TMEM248: variants seen among roughly 807,000 people sequenced by gnomAD.
The protein encoded by TMEM248 is UPF0458 protein C7orf42.
TMEM248 carries 9 observed loss-of-function variants against 30.3 expected under a neutral mutation model. The ratio of observed to expected loss-of-function variants is 0.30; its 90% CI spans 0.18 to 0.52. TMEM248 has a LOEUF of 0.52. Ranked by LOEUF, TMEM248 falls within the 20% of genes least tolerant of loss-of-function variation. The probability of loss-of-function intolerance (pLI) is 0.97; values close to 1 mark genes in which losing one functional copy is unlikely to be tolerated. For synonymous variants in TMEM248, 184 were observed against 154.4 expected, an observed-to-expected ratio of 1.19 and a Z score of -1.42; for missense variants, 338 against 403.3, an observed-to-expected ratio of 0.84 and a Z score of 1.39.
intron 1 of TMEM248, among the ~76,000 whole-genome samples, chr7:66,925,117 C>T (rs562331712): frequency 1.3e-5 from 2 of 151,794 alleles, no homozygotes; most frequent in Admixed American, 1.3e-4. Flanking sequence ...TCCTCCTGGG[C>T]TCAAGTCATA....
intron 1 of TMEM248, among the ~76,000 whole-genome samples, chr7:66,925,486 C>T (rs187425123): frequency 3.9e-4 from 60 of 152,242 alleles, no homozygotes; most frequent in African/African-American, 1.3e-3. Flanking sequence ...CCATTGTCTT[C>T]TAGATTCCAC....
intron 1 of TMEM248, among the ~76,000 whole-genome samples, chr7:66,930,229 GC>G (rs1475654188): frequency 6.6e-6 from 1 of 152,232 alleles, no homozygotes; most frequent in African/African-American, 2.4e-5. Context: ...CCAGTTTGGT[GC>G]CTTGGGATAA....
At chr7:66,921,549 G>C (rs1791385166) in intron 1 of TMEM248, 88 bp downstream of exon 1, 1 of 152,172 alleles carries the variant, frequency 6.6e-6, no homozygotes. Flanking sequence ...GGTCGGGAGC[G>C]GCTCCTCCGC....
intron 1 of TMEM248, among the ~76,000 whole-genome samples, chr7:66,924,274 A>C (rs532447673): frequency 6.6e-6 from 1 of 152,180 alleles, no homozygotes; most frequent in African/African-American, 2.4e-5. Context: ...TGTCACAGAG[A>C]TGGTGTGTTT....
At chr7:66,933,524 T>C (rs772581606) in intron 1 of TMEM248, among the ~76,000 whole-genome samples, 64 of 152,238 alleles carry the variant, frequency 4.2e-4, no homozygotes, top group Non-Finnish European at 7.6e-4. Context: ...ATGTTGGAGA[T>C]AAAATATGCC....
intron 1 of TMEM248, among the ~76,000 whole-genome samples, chr7:66,924,709 TTTTA>T (rs1244718260): frequency 6.6e-6 from 1 of 151,470 alleles, no homozygotes; most frequent in Non-Finnish European, 1.5e-5. Context: ...CTGGCCTTAT[TTTTA>T]TTTATTTATT....
At chr7:66,950,093 G>A (rs2129225677) in intron 4 of TMEM248, among the ~76,000 whole-genome samples, 1 of 152,126 alleles carries the variant, frequency 6.6e-6, no homozygotes, top group South Asian at 2.1e-4. Context: ...GGGCGCAATG[G>A]CTCACACCTG....
intron 2 of TMEM248, among the ~76,000 whole-genome samples, chr7:66,944,452 A>C (rs189935791): frequency 6.6e-6 from 1 of 152,274 alleles, no homozygotes; most frequent in African/African-American, 2.4e-5. Context: ...TCAAAAGTCC[A>C]TAAGAAGGGG....
intron 5 of TMEM248, among the ~76,000 whole-genome samples, chr7:66,952,700 T>C (rs931355224): frequency 1.3e-5 from 2 of 152,122 alleles, no homozygotes; most frequent in Non-Finnish European, 2.9e-5. Context: ...GAATCACGGA[T>C]GATCTCAGCA....
chr7:66,922,961 C>T (rs1791424550), intron 1 of TMEM248, among the ~76,000 whole-genome samples: 1 of 152,076 alleles, frequency 6.6e-6, no homozygotes, highest in Non-Finnish European at 1.5e-5. Context: ...CCTCCTCGGC[C>T]TCCCAAAGTT....
intron 1 of TMEM248, among the ~76,000 whole-genome samples, chr7:66,923,218 T>C (rs1351217164): frequency 6.6e-6 from 1 of 151,856 alleles, no homozygotes; most frequent in Non-Finnish European, 1.5e-5. Context: ...CGAAGTTAGC[T>C]CACTGCAACC....
At chr7:66,944,829 G>C (rs1365606814) in intron 2 of TMEM248, 147 bp from the exon 3 acceptor site, 5 of 782,126 alleles carry the variant, frequency 6.4e-6, no homozygotes, top group Non-Finnish European at 1.0e-5. Context: ...AGAGGGTGGT[G>C]GCCGAGTTGT....
chr7:66,941,144 G>A (rs550814620), intron 1 of TMEM248, among the ~76,000 whole-genome samples: 1 of 151,876 alleles, frequency 6.6e-6, no homozygotes, highest in Admixed American at 6.6e-5. Flanking sequence ...GCACTTTGGG[G>A]GGCCAAGGCA....
At chr7:66,925,694 CTT>C (rs762948450) in intron 1 of TMEM248, among the ~76,000 whole-genome samples, 29 of 137,698 alleles carry the variant, frequency 2.1e-4, no homozygotes, top group Non-Finnish European at 1.9e-4. Context: ...GTAGTTTTTT[CTT>C]TTTTTTTTTT....
chr7:66,945,510 A>G (rs1474350234), intron 3 of TMEM248, among the ~76,000 whole-genome samples: 1 of 152,228 alleles, frequency 6.6e-6, no homozygotes, highest in African/African-American at 2.4e-5. Flanking sequence ...GGCCTGTCTA[A>G]TATTTACAAA....
intron 1 of TMEM248, among the ~76,000 whole-genome samples, chr7:66,925,416 C>T (rs1488122880): frequency 6.6e-6 from 1 of 152,188 alleles, no homozygotes; most frequent in Non-Finnish European, 1.5e-5. Flanking sequence ...TGACCATCAT[C>T]TCCCTGTTCC....
rs1792401842 is a variant in TMEM248 at position 66,956,307 on chromosome 7, C to G, written c.*785C>G. 1 of 152,158 alleles carries G rather than the reference C, an allele frequency of 6.6e-6. No individual in the cohort carries two copies. The highest frequency in any genetic ancestry group is 1.5e-5 in the Non-Finnish European group (1 of 68,036). 9.4% of individuals were successfully genotyped at this position (152,158 alleles called of 1,614,324 possible). ...ATAGGAGGTTCTACTGTCTTGTCGT[C>G]CACTCTTGTCCCTCCCTTCTGTTAT... On this transcript the variant is annotated 3_prime_UTR_variant, in exon 7 of 7. Coordinates refer to ENST00000341567, the MANE Select transcript of TMEM248 (RefSeq NM_017994.5).
At chr7:66,925,469 A>G (rs1054745607) in intron 1 of TMEM248, among the ~76,000 whole-genome samples, 1 of 152,096 alleles carries the variant, frequency 6.6e-6, no homozygotes, top group African/African-American at 2.4e-5. Context: ...CTCTGCTGCA[A>G]TGAGTTCCAT....
chr7:66,942,287 T>C (rs573236331), intron 2 of TMEM248, among the ~76,000 whole-genome samples: 3 of 152,306 alleles, frequency 2.0e-5, no homozygotes, highest in East Asian at 3.9e-4. Context: ...GAGAGTACAT[T>C]TGTAAAATGA....
Sources: allele counts gnomAD v4.1 joint callset (sites outside exome capture counted in the v4.1 genomes callset), GRCh38; gene constraint gnomAD v4.1.1; transcripts MANE v1.5; gene names NCBI Gene and HGNC (gene_info 2026-07-23, HGNC 2026-07-21).